GABBR2: variants seen among roughly 807,000 people sequenced by gnomAD.
The protein encoded by GABBR2 is gamma-aminobutyric acid type B receptor subunit 2.
Under a neutral mutation model 105.6 loss-of-function variants are expected in GABBR2, and 23 were observed. That is an observed-to-expected ratio of 0.22 (90% CI 0.16 to 0.31). The LOEUF (loss-of-function observed/expected upper bound fraction) is 0.31, where lower values mean the gene tolerates loss of function less well. GABBR2 is among the 10% of genes least tolerant of loss of function. GABBR2 has a pLI of 1.00. For missense variants in GABBR2, 734 were observed against 1,245.5 expected (o/e 0.59, Z 6.18); for synonymous variants, 478 against 499.7 (o/e 0.96, Z 0.58).
At chr9:98,475,754 T>A (rs1826778309) in intron 5 of GABBR2, among the ~76,000 whole-genome samples, 1 of 152,174 alleles carries the variant, frequency 6.6e-6, no homozygotes, top group Non-Finnish European at 1.5e-5. Context: ...ACAGCTCCAC[T>A]TATGAGGAAG....
chr9:98,571,265 C>T (rs1019866072), intron 2 of GABBR2, among the ~76,000 whole-genome samples: 3 of 152,190 alleles, frequency 2.0e-5, no homozygotes, highest in South Asian at 2.1e-4. Flanking sequence ...GGTGATGGTG[C>T]ACTCCATGGA....
rs576125219 is a variant in GABBR2, at chr9:98,324,020, C to T, written c.1894-12815G>A. On this transcript the variant is annotated intron_variant, in intron 13 of 18. Coordinates refer to ENST00000259455, the MANE Select transcript of GABBR2 (RefSeq NM_005458.8). Reference sequence around the variant, plus strand: ...CCTAGGAGGTTAGTAGGGCCATCAGCCTCCCTCACATTTTGCGCAGGAGAA... The same window carrying T: ...CCTAGGAGGTTAGTAGGGCCATCAGTCTCCCTCACATTTTGCGCAGGAGAA... Among the ~76,000 whole-genome samples, 5 of 152,310 alleles carry T rather than the reference C, an allele frequency of 3.3e-5. No homozygotes were observed. The East Asian group carries it at 9.7e-4, about 29-fold the overall frequency.
intron 4 of GABBR2, among the ~76,000 whole-genome samples, chr9:98,484,330 C>A (rs973139066): frequency 2.6e-5 from 4 of 152,182 alleles, no homozygotes; most frequent in Non-Finnish European, 4.4e-5. Flanking sequence ...CAGAGAGGTA[C>A]AAGCTCTCCC....
rs71369558 is a variant in GABBR2 at position 98,290,269 on chromosome 9, GTTTTTTTTTTTTTTTTTTT to G, written c.*296_*314del. On this transcript the variant is annotated 3_prime_UTR_variant, in exon 19 of 19. Coordinates refer to ENST00000259455, the MANE Select transcript of GABBR2 (RefSeq NM_005458.8). ...GCCTCTCTCCTTGTCTAGTTTTTTT[GTTTTTTTTTTTTTTTTTTT>G]TTTTTTGCAAGTTTGATATCCCAGC... is the stretch of plus-strand genomic sequence containing the variant. The G allele has an allele frequency of 1.3e-5, 1 of 76,856 alleles. No homozygotes were observed. Among genetic ancestry groups the G allele is most frequent in the Non-Finnish European group, 2.4e-5 (1 of 41,824 alleles). 4.8% of individuals were successfully genotyped at this position (76,856 alleles called of 1,614,324 possible).
chr9:98,518,812 C>T (rs906808822), intron 3 of GABBR2, among the ~76,000 whole-genome samples: 1 of 152,156 alleles, frequency 6.6e-6, no homozygotes, highest in African/African-American at 2.4e-5. Flanking sequence ...GCTTCCCCTC[C>T]CACGAAGCCC....
At chr9:98,419,053 C>A (rs1490385611) in intron 7 of GABBR2, among the ~76,000 whole-genome samples, 1 of 152,252 alleles carries the variant, frequency 6.6e-6, no homozygotes, top group Non-Finnish European at 1.5e-5. Flanking sequence ...AATTTGCAAT[C>A]TGTTGGAATC....
intron 1 of GABBR2, among the ~76,000 whole-genome samples, chr9:98,591,507 C>A (rs1829143912): frequency 6.6e-6 from 1 of 152,102 alleles, no homozygotes; most frequent in Non-Finnish European, 1.5e-5. Flanking sequence ...GCAGCTGGGG[C>A]AGAGGAGGAA....
At chr9:98,603,762 A>T (rs1050865818) in intron 1 of GABBR2, among the ~76,000 whole-genome samples, 6 of 152,154 alleles carry the variant, frequency 3.9e-5, no homozygotes, top group African/African-American at 1.4e-4. Flanking sequence ...AATTTTGCAA[A>T]ACAGACCTTC....
chr9:98,394,401 C>A lies in GABBR2; in HGVS notation c.1298-146G>T, dbSNP rs954859273. The A allele has an allele frequency of 1.3e-5, 8 of 638,504 alleles. No individual in the cohort carries two copies. The Admixed American group carries it at 2.1e-4, about 17-fold the overall frequency. The allele number at this position is 638,504 out of a possible 1,614,324, so 39.6% of individuals were successfully genotyped here. ...CTCCAATGCCTCTTCTGGTTAGAATCACAAAACTTCTAACCTGATCTAGGC... is the reference window on the plus strand; with the variant it reads ...CTCCAATGCCTCTTCTGGTTAGAATAACAAAACTTCTAACCTGATCTAGGC... On this transcript the variant is annotated intron_variant, in intron 8 of 18. Transcript: ENST00000259455.
Position 98,306,395 on chromosome 9 carries a change from A to C in GABBR2, c.2005-50T>G, listed in dbSNP as rs755064057. ...GAGATGATCGTTACCAAGGGGTGGC[A>C]CACACAGGCTGCTCTGAGAAGCTGT... On this transcript the variant is annotated intron_variant, in intron 14 of 18. Coordinates refer to ENST00000259455, the MANE Select transcript of GABBR2 (RefSeq NM_005458.8). This position sits in a 1 kb window ranked among gnomAD's most constrained non-coding sequence, Gnocchi z 5.4. 7.5e-7 allele frequency: 1 copy of C among 1,326,550 alleles called. No individual in the cohort carries two copies. The highest frequency in any genetic ancestry group is 1.8e-5 in the Admixed American group (1 of 55,390). The allele number at this position is 1,326,550 out of a possible 1,614,324, so 82.2% of individuals were successfully genotyped here.
chr9:98,499,823 G>A (rs1318637373), intron 3 of GABBR2, among the ~76,000 whole-genome samples: 1 of 152,202 alleles, frequency 6.6e-6, no homozygotes, highest in Non-Finnish European at 1.5e-5. Context: ...AGGCCAAGGC[G>A]GGTGGATCAC....
intron 1 of GABBR2, 24 bp downstream of exon 1, chr9:98,708,393 C>T (rs570817139): frequency 2.2e-6 from 3 of 1,362,646 alleles, no homozygotes; most frequent in Non-Finnish European, 2.9e-6. Flanking sequence ...GAAGCCCCGA[C>T]GGCAGGGGCA....
chr9:98,478,275 G>A (rs1826835695), intron 5 of GABBR2, among the ~76,000 whole-genome samples: 1 of 152,178 alleles, frequency 6.6e-6, no homozygotes, highest in African/African-American at 2.4e-5. Context: ...GAGATCGGAA[G>A]GCTCTCTTGG....
chr9:98,395,500 A>G (rs553012573), intron 8 of GABBR2, among the ~76,000 whole-genome samples: 69 of 151,622 alleles, frequency 4.6e-4, no homozygotes, highest in Non-Finnish European at 6.3e-4. Flanking sequence ...AAGTGAGCCA[A>G]GTGAAAAGAG....
chr9:98,562,326 A>T (rs1588229555), intron 2 of GABBR2, among the ~76,000 whole-genome samples: 1 of 152,352 alleles, frequency 6.6e-6, no homozygotes, highest in Middle Eastern at 3.4e-3. Context: ...TATGGCAACA[A>T]AGACAATGCA....
intron 8 of GABBR2, among the ~76,000 whole-genome samples, chr9:98,401,914 G>T (rs1588142295): frequency 6.6e-6 from 1 of 152,270 alleles, no homozygotes; most frequent in East Asian, 1.9e-4. Flanking sequence ...CAGATGCTCA[G>T]GAAATGCGCA....
In GABBR2 at chr9:98,436,348, CATATATATATATATATATAT is replaced by C. The variant is rs1158239322; in HGVS notation, c.1236+17613_1236+17632del. On this transcript the variant is annotated intron_variant, in intron 7 of 18. Coordinates refer to ENST00000259455, the MANE Select transcript of GABBR2 (RefSeq NM_005458.8). Reference sequence around the variant, plus strand: ...TATATATATACACACACACACACACCATATATATATATATATATATATATATATATATATATATATATATA... The same window carrying C: ...TATATATATACACACACACACACACCATATATATATATATATATATATATA... 2.2e-3 allele frequency among the ~76,000 whole-genome samples: 17 copies of C among 7,602 alleles called. 1 individual carries two copies. Among genetic ancestry groups the C allele is most frequent in the South Asian group, 5.5e-3 (1 of 182 alleles). The allele number at this position is 7,602 out of a possible 152,430, so 5.0% of individuals were successfully genotyped here.
chr9:98,429,294 C>G (rs1283907971), intron 7 of GABBR2, among the ~76,000 whole-genome samples: 4 of 152,020 alleles, frequency 2.6e-5, no homozygotes, highest in Non-Finnish European at 5.9e-5. Context: ...CATGCACCAC[C>G]ATGCCCAGCC....
chr9:98,316,078 T>C (rs1234668740), intron 13 of GABBR2, among the ~76,000 whole-genome samples: 1 of 152,072 alleles, frequency 6.6e-6, no homozygotes, highest in Non-Finnish European at 1.5e-5. Flanking sequence ...TCTTCTCTTC[T>C]GTACAGGACA....
Sources: gnomAD v4.1 joint callset for allele counts (sites outside exome capture counted in the v4.1 genomes callset) on GRCh38, gnomAD v4.1.1 for gene constraint, Gnocchi (gnomAD v3.1) non-coding constraint, MANE v1.5 for transcripts, NCBI Gene and HGNC (gene_info 2026-07-23, HGNC 2026-07-21) for gene names.